GPR89A: variants seen among roughly 807,000 people sequenced by gnomAD.
GPR89A encodes the protein G protein-coupled receptor 89A.
A neutral mutation model predicts 52.0 loss-of-function variants in GPR89A; 16 were observed. The ratio of observed to expected loss-of-function variants is 0.31; its 90% CI spans 0.21 to 0.47. The LOEUF is 0.47. Ranked by LOEUF, GPR89A falls within the 20% of genes least tolerant of loss-of-function variation. GPR89A has a pLI of 1.00. For missense variants in GPR89A, 135 were observed against 449.4 expected (o/e 0.30, Z 6.33); for synonymous variants, 55 against 150.9 (o/e 0.36, Z 4.66).
intron 7 of GPR89A, among the ~76,000 whole-genome samples, chr1:145,639,958 C>T (rs1553691470): frequency 6.6e-6 from 1 of 152,190 alleles, no homozygotes; most frequent in African/African-American, 2.4e-5. Flanking sequence ...TGGCTCATGC[C>T]TGTAATCCCA....
rs1292508838 is a variant in GPR89A, at chr1:145,667,491, A to G, written c.1095+1840A>G. ...TATTAGCCCTTTGTCAGATAAGTAG[A>G]TTGCAAAAATTTTCTCCCATTCTGT... On this transcript the variant is annotated intron_variant, in intron 12 of 13. Coordinates refer to ENST00000313835, the MANE Select transcript of GPR89A (RefSeq NM_001097612.2). Among the ~76,000 whole-genome samples, 5 of 152,182 alleles carry G rather than the reference A, an allele frequency of 3.3e-5. No individual in the cohort carries two copies. The South Asian group carries it at 8.3e-4, about 25-fold the overall frequency.
chr1:145,660,400 T>G (rs1426519000), intron 10 of GPR89A, among the ~76,000 whole-genome samples: 12 of 152,126 alleles, frequency 7.9e-5, no homozygotes, highest in Non-Finnish European at 1.6e-4. Context: ...GGGCAAGGAC[T>G]TCATGTCTAA....
chr1:145,669,978 T>C lies in GPR89A; in HGVS notation c.1306T>C (p.Ser436Pro). Residue 436 changes from serine to proline, a missense_variant, in exon 14 of 14, where the codon TCT becomes CCT. Coordinates refer to ENST00000313835, the MANE Select transcript of GPR89A (RefSeq NM_001097612.2). Reference protein sequence around the residue: ...FDVIFLVSALSSILFLYLAHK... With the variant: ...FDVIFLVSALPSILFLYLAHK... ...TGTGATCTTCCTGGTCAGCGCTCTC[T>C]CTAGCATACTCTTCCTCTATTTGGC... is the stretch of plus-strand genomic sequence containing the variant. The C allele has an allele frequency of 1.5e-6, 2 of 1,320,966 alleles. No individual in the cohort carries two copies. The highest frequency in any genetic ancestry group is 2.1e-6 in the Non-Finnish European group (2 of 939,404). The allele number at this position is 1,320,966 out of a possible 1,614,324, so 81.8% of individuals were successfully genotyped here. A position where few individuals can be genotyped will look rare whatever the true frequency, so the allele number is the denominator to read the frequency against.
chr1:145,630,060 T>C (rs1356218691), intron 5 of GPR89A, among the ~76,000 whole-genome samples: 1 of 151,952 alleles, frequency 6.6e-6, no homozygotes, highest in Non-Finnish European at 1.5e-5. Flanking sequence ...CAGCAGTATT[T>C]ATTTTAACTG....
chr1:145,611,147 A>G (rs1479774670), intron 1 of GPR89A, among the ~76,000 whole-genome samples: 2 of 147,636 alleles, frequency 1.4e-5, no homozygotes, highest in Non-Finnish European at 3.0e-5. Flanking sequence ...ATGTAAATGA[A>G]TTCTCCAGCT....
In GPR89A at chr1:145,613,353, A is replaced by G. The variant is rs1319584914; in HGVS notation, c.43-2881A>G. 4.6e-5 allele frequency among the ~76,000 whole-genome samples: 7 copies of G among 151,668 alleles called. No individual in the cohort carries two copies. The East Asian group carries it at 1.2e-3, about 25-fold the overall frequency. The stretch of plus-strand genomic sequence containing the variant: ...TCTGTTTTCTCCTCTTCTGTCACCA[A>G]ATGTCTTAATTCAGGGCTTTATCAT... On this transcript the variant is annotated intron_variant, in intron 1 of 13. Transcript: ENST00000313835.
intron 10 of GPR89A, among the ~76,000 whole-genome samples, chr1:145,662,903 A>G (rs1264598607): frequency 2.0e-5 from 3 of 148,522 alleles, no homozygotes; most frequent in Admixed American, 2.0e-4. Flanking sequence ...TCATTATTCC[A>G]TTTGATATCG....
At chr1:145,660,068 T>G (rs1239466163) in intron 10 of GPR89A, among the ~76,000 whole-genome samples, 2 of 152,050 alleles carry the variant, frequency 1.3e-5, no homozygotes, top group African/African-American at 4.8e-5. Context: ...TTTGTCTCTC[T>G]GTTTGTCTGT....
chr1:145,665,177 T>C (rs587622228), intron 11 of GPR89A, among the ~76,000 whole-genome samples: 1 of 152,272 alleles, frequency 6.6e-6, no homozygotes, highest in South Asian at 2.1e-4. Flanking sequence ...ATTAGCGTTA[T>C]TTTTATCACT....
rs1385722722 is a variant in GPR89A, at chr1:145,660,683, C to A, written c.910-2646C>A. ...CACTTCTCAAAAGAAGACTTTTATG[C>A]CGCCAAAAAACACAAGAAAAAATGC... is the stretch of plus-strand genomic sequence containing the variant. On this transcript the variant is annotated intron_variant, in intron 10 of 13. Coordinates refer to ENST00000313835, the MANE Select transcript of GPR89A (RefSeq NM_001097612.2). Among the ~76,000 whole-genome samples the A allele has an allele frequency of 8.1e-3, 1,204 of 148,584 alleles. 24 individuals are homozygous for A. The highest frequency in any genetic ancestry group is 0.029 in the African/African-American group (1,105 of 38,032).
chr1:145,664,304 G>C (rs587774032), intron 11 of GPR89A, among the ~76,000 whole-genome samples: 1 of 152,136 alleles, frequency 6.6e-6, no homozygotes, highest in African/African-American at 2.4e-5. Context: ...TATCCTCTTT[G>C]AGTGTGAAGG....
intron 12 of GPR89A, among the ~76,000 whole-genome samples, chr1:145,667,241 G>C (rs1345964720): frequency 2.0e-5 from 3 of 152,078 alleles, no homozygotes; most frequent in Non-Finnish European, 4.4e-5. Context: ...ATCCTCTCCA[G>C]CACCTGTTGT....
At chr1:145,650,838 T>G (rs1172622941) in intron 10 of GPR89A, among the ~76,000 whole-genome samples, 1 of 152,156 alleles carries the variant, frequency 6.6e-6, no homozygotes, top group Non-Finnish European at 1.5e-5. Flanking sequence ...TTAATGGGGT[T>G]GTTTGATTTT....
chr1:145,608,057 G>A lies in GPR89A; in HGVS notation c.-77G>A. 6.4e-7 allele frequency: 1 copy of A among 1,574,408 alleles called. No individual in the cohort carries two copies. Among genetic ancestry groups the A allele is most frequent in the East Asian group, 2.2e-5 (1 of 44,544 alleles). On this transcript the variant is annotated 5_prime_UTR_variant, in exon 1 of 14. An upstream open reading frame in the 5' UTR loses its in-frame stop. Transcript: ENST00000313835. Reference sequence around the variant, plus strand: ...GCACCTGGGAGAAGGCAGACCGTGTGAGGGGGCCTGTGGCCCCAGCGTGCT... The same window carrying A: ...GCACCTGGGAGAAGGCAGACCGTGTAAGGGGGCCTGTGGCCCCAGCGTGCT...
chr1:145,649,524 G>A (rs1374364537), intron 10 of GPR89A, among the ~76,000 whole-genome samples: 1 of 150,414 alleles, frequency 6.6e-6, no homozygotes, highest in Non-Finnish European at 1.5e-5. Context: ...GTTTGGACGT[G>A]CCACAATTTT....
In GPR89A at chr1:145,621,837, T is replaced by C. The variant is rs587670411; in HGVS notation, c.207-1217T>C. Among the ~76,000 whole-genome samples the C allele has an allele frequency of 3.3e-5, 5 of 151,512 alleles. No individual in the cohort carries two copies. The South Asian group carries it at 1.0e-3, about 32-fold the overall frequency. Reference sequence around the variant, plus strand: ...ACATATGAATAGATGCCCAATACCATTAGCCATCAAGGAAATGCAAATCAA... The same window carrying C: ...ACATATGAATAGATGCCCAATACCACTAGCCATCAAGGAAATGCAAATCAA... On this transcript the variant is annotated intron_variant, in intron 3 of 13. Transcript: ENST00000313835.
rs587625970 is a variant in GPR89A at position 145,643,007 on chromosome 1, T to C, written c.618-862T>C. Among the ~76,000 whole-genome samples the C allele has an allele frequency of 7.3e-5, 11 of 150,598 alleles. No individual in the cohort carries two copies. The South Asian group carries it at 2.3e-3, about 32-fold the overall frequency. On this transcript the variant is annotated intron_variant, in intron 7 of 13. Coordinates refer to ENST00000313835, the MANE Select transcript of GPR89A (RefSeq NM_001097612.2). Reference sequence around the variant, plus strand: ...ATTGCAGAAGGTGAGGGTATTGGACTTAGAGACTGATATTTTAGAAGGGGA... The same window carrying C: ...ATTGCAGAAGGTGAGGGTATTGGACCTAGAGACTGATATTTTAGAAGGGGA...
chr1:145,616,731 C>T (rs1175112893), intron 2 of GPR89A, among the ~76,000 whole-genome samples: 3 of 151,926 alleles, frequency 2.0e-5, no homozygotes, highest in South Asian at 4.2e-4. Flanking sequence ...AAGTGTCGGC[C>T]GGTCTGAGAA....
At chr1:145,638,975 T>A (rs1313624893) in intron 7 of GPR89A, among the ~76,000 whole-genome samples, 6 of 149,734 alleles carry the variant, frequency 4.0e-5, no homozygotes, top group African/African-American at 7.6e-5. Flanking sequence ...CCAATTTTTT[T>A]AAATCAATTG....
Sources: allele counts gnomAD v4.1 joint callset (sites outside exome capture counted in the v4.1 genomes callset), GRCh38; gene constraint gnomAD v4.1.1; transcripts MANE v1.5; gene names NCBI Gene and HGNC (gene_info 2026-07-23, HGNC 2026-07-21).